The following XKR9 variants were observed in gnomAD, a reference collection of about 807,000 sequenced individuals.
XKR9 encodes the protein XK related 9, also known as XK-related protein 9.
A neutral mutation model predicts 32.0 loss-of-function variants in XKR9; 32 were observed. That is an observed-to-expected ratio of 1.00 (90% CI 0.76 to 1.34). XKR9 has a LOEUF of 1.34. Among genes scored for constraint, XKR9 ranks in the 40% most tolerant of loss-of-function variants. The pLI, the probability that XKR9 is intolerant of heterozygous loss-of-function variation, is 0.00. For synonymous variants in XKR9, 168 were observed against 143.4 expected, an observed-to-expected ratio of 1.17 and a Z score of -1.22; for missense variants, 546 against 429.7, an observed-to-expected ratio of 1.27 and a Z score of -2.39.
the XKR9 span, among the ~76,000 whole-genome samples, chr8:70,887,020 C>T: frequency 1.3e-5 from 2 of 151,580 alleles, no homozygotes; most frequent in East Asian, 1.9e-4. Context: ...TGAATGGTGT[C>T]GCCTAGGTTT....
chr8:70,865,719 AG>A, the XKR9 span, among the ~76,000 whole-genome samples: 1 of 152,180 alleles, frequency 6.6e-6, no homozygotes, highest in East Asian at 1.9e-4. Context: ...CTTAGTCAAA[AG>A]GGATAATGGA....
Position 70,680,968 on chromosome 8 carries a change from A to G in XKR9, c.-91A>G. ...GGAGTAGAAATTAAAATTCAATGCT[A>G]TACCAAAGGGTATACTAATATTTGT... is the stretch of plus-strand genomic sequence containing the variant. On this transcript the variant is annotated 5_prime_UTR_variant, in exon 3 of 5. Coordinates refer to ENST00000408926, the MANE Select transcript of XKR9 (RefSeq NM_001011720.2). 1 of 1,248,796 alleles carries G rather than the reference A, an allele frequency of 8.0e-7. No individual in the cohort carries two copies. Among genetic ancestry groups the G allele is most frequent in the East Asian group, 2.4e-5 (1 of 42,194 alleles). The allele number at this position is 1,248,796 out of a possible 1,614,324, so 77.4% of individuals were successfully genotyped here.
chr8:70,958,770 T>C, the XKR9 span, among the ~76,000 whole-genome samples: 14 of 152,140 alleles, frequency 9.2e-5, no homozygotes, highest in African/African-American at 2.9e-4. Context: ...ATCTTTGAGA[T>C]TGACTGGATT....
At chr8:70,732,772 T>G (rs1467148297) in intron 4 of XKR9, among the ~76,000 whole-genome samples, 1 of 152,198 alleles carries the variant, frequency 6.6e-6, no homozygotes, top group Non-Finnish European at 1.5e-5. Context: ...TTGTCCTCAT[T>G]ATCTTCATCA....
At chr8:70,733,708 G>A in intron 4 of XKR9, 88 bp from the exon 5 acceptor site, 1 of 1,243,722 alleles carries the variant, frequency 8.0e-7, no homozygotes, top group Middle Eastern at 2.9e-4. Flanking sequence ...GTGGGTGTGT[G>A]TATATAGATA....
At chr8:71,050,258 T>TATATATATAG in the XKR9 span, among the ~76,000 whole-genome samples, 10 of 106,618 alleles carry the variant, frequency 9.4e-5, no homozygotes, top group Non-Finnish European at 1.4e-4. Flanking sequence ...TATATATATA[T>TATATATATAG]ATAGATAGAT....
At chr8:71,010,948 T>C in the XKR9 span, among the ~76,000 whole-genome samples, 1 of 152,204 alleles carries the variant, frequency 6.6e-6, no homozygotes, top group African/African-American at 2.4e-5. Context: ...AGGCCTGCTC[T>C]GAAAAATAGA....
At chr8:71,005,040 T>C in the XKR9 span, among the ~76,000 whole-genome samples, 1 of 108,252 alleles carries the variant, frequency 9.2e-6, no homozygotes, top group South Asian at 2.8e-4. Flanking sequence ...AGTTGGAGTC[T>C]TGCTATGTTG....
At chr8:70,670,509 CTTTT>C (rs71560433) in intron 1 of XKR9, 1 of 148,108 alleles carries the variant, frequency 6.8e-6, no homozygotes, top group African/African-American at 2.5e-5. Flanking sequence ...GCAGCCCACT[CTTTT>C]TTTTTTTAAA....
At chr8:70,740,117 G>A (rs1445488421), downstream of XKR9, among the ~76,000 whole-genome samples, 1 of 152,178 alleles carries the variant, frequency 6.6e-6, no homozygotes, top group African/African-American at 2.4e-5. Flanking sequence ...ATCAGATGTA[G>A]ATTTGGTCTT....
At chr8:70,739,289 A>G (rs1806923142), downstream of XKR9, among the ~76,000 whole-genome samples, 1 of 151,954 alleles carries the variant, frequency 6.6e-6, no homozygotes, top group Non-Finnish European at 1.5e-5. Context: ...TATGATTGCA[A>G]TCCCTGCCTT....
chr8:70,876,455 G>T, the XKR9 span, among the ~76,000 whole-genome samples: 1 of 151,888 alleles, frequency 6.6e-6, no homozygotes, highest in Non-Finnish European at 1.5e-5. Flanking sequence ...GGGTGAGTAG[G>T]CAAGCACACT....
At chr8:70,837,182 C>A in the XKR9 span, among the ~76,000 whole-genome samples, 6 of 152,042 alleles carry the variant, frequency 3.9e-5, no homozygotes, top group African/African-American at 7.2e-5. Context: ...ACATACATGT[C>A]TGTTTCTAAT....
the XKR9 span, among the ~76,000 whole-genome samples, chr8:71,035,480 C>A: frequency 6.6e-6 from 1 of 152,192 alleles, no homozygotes; most frequent in South Asian, 2.1e-4. Flanking sequence ...TTTGGCTAAA[C>A]ATATAAATTA....
chr8:70,780,473 T>G (rs1249303968), intron 2 of XKR9, among the ~76,000 whole-genome samples: 3 of 152,098 alleles, frequency 2.0e-5, no homozygotes, highest in Non-Finnish European at 4.4e-5. Flanking sequence ...TCCTTATGAT[T>G]TTTTTGACTT....
the XKR9 span, among the ~76,000 whole-genome samples, chr8:71,056,260 T>G: frequency 6.6e-6 from 1 of 151,310 alleles, no homozygotes. Context: ...TTTTTTTTTT[T>G]GGAATGGGGA....
At chr8:70,727,814 G>T (rs1463838184) in intron 4 of XKR9, among the ~76,000 whole-genome samples, 1 of 151,840 alleles carries the variant, frequency 6.6e-6, no homozygotes, top group Non-Finnish European at 1.5e-5. Flanking sequence ...TTCTTGTACT[G>T]AATCAGTTCT....
the XKR9 span, among the ~76,000 whole-genome samples, chr8:71,004,280 G>A: frequency 6.6e-6 from 1 of 151,886 alleles, no homozygotes; most frequent in Non-Finnish European, 1.5e-5. Flanking sequence ...GTGGGCTTTG[G>A]TATCCCAGTT....
the XKR9 span, among the ~76,000 whole-genome samples, chr8:70,959,594 G>A: frequency 6.6e-6 from 1 of 152,196 alleles, no homozygotes; most frequent in Non-Finnish European, 1.5e-5. Context: ...CAGTGGACTT[G>A]CTGACTTATG....
Sources: gnomAD v4.1 joint callset for allele counts (sites outside exome capture counted in the v4.1 genomes callset) on GRCh38, gnomAD v4.1.1 for gene constraint, MANE v1.5 for transcripts, NCBI Gene and HGNC (gene_info 2026-07-23, HGNC 2026-07-21) for gene names.